Variants in TAFA4 observed in about 807,000 individuals in gnomAD.
TAFA4 encodes the protein TAFA chemokine like family member 4.
Under a neutral mutation model 21.1 loss-of-function variants are expected in TAFA4, and 20 were observed. The observed-to-expected ratio is 0.95, with a 90% CI of 0.67 to 1.38. TAFA4 has a LOEUF of 1.38. Ranked by LOEUF, TAFA4 falls within the 40% of genes most tolerant of loss-of-function variation. TAFA4 has a pLI of 0.00. For synonymous variants in TAFA4, 71 were observed against 67.4 expected (o/e 1.05, Z -0.26); for missense variants, 211 against 180.9 (o/e 1.17, Z -0.95).
intron 3 of TAFA4, among the ~76,000 whole-genome samples, chr3:68,822,059 G>A (rs1440460299): frequency 2.0e-5 from 3 of 152,182 alleles, no homozygotes; most frequent in African/African-American, 7.2e-5. Context: ...TATGGCAGGT[G>A]TGGACAGCTG....
intron 1 of TAFA4, among the ~76,000 whole-genome samples, chr3:68,895,993 T>C (rs1300732475): frequency 6.6e-6 from 1 of 152,158 alleles, no homozygotes; most frequent in Non-Finnish European, 1.5e-5. Context: ...GTGAATTACA[T>C]AATGTGACTT....
intron 1 of TAFA4, among the ~76,000 whole-genome samples, chr3:68,919,614 CTT>C (rs1373804057): frequency 6.6e-6 from 1 of 152,168 alleles, no homozygotes; most frequent in African/African-American, 2.4e-5. Context: ...AAATTTGCTT[CTT>C]GAGTCACATT....
chr3:68,861,040 C>T (rs913333804), intron 3 of TAFA4, among the ~76,000 whole-genome samples: 8 of 129,642 alleles, frequency 6.2e-5, no homozygotes, highest in East Asian at 2.8e-4. Flanking sequence ...ACCCCCCCCC[C>T]GCCCCCACGA....
At chr3:68,783,763 A>AAAACAAAG (rs772745482) in intron 3 of TAFA4, among the ~76,000 whole-genome samples, 7 of 151,594 alleles carry the variant, frequency 4.6e-5, no homozygotes, top group Non-Finnish European at 1.0e-4. Flanking sequence ...GAAAGAAACA[A>AAAACAAAG]AAACAAAGAA....
At chr3:68,832,388 T>C (rs969442398) in intron 3 of TAFA4, among the ~76,000 whole-genome samples, 3 of 152,210 alleles carry the variant, frequency 2.0e-5, no homozygotes, top group Non-Finnish European at 4.4e-5. Flanking sequence ...TTTTTGTTGA[T>C]GTTGATGCTA....
At chr3:68,810,727 G>T (rs1034570509) in intron 3 of TAFA4, among the ~76,000 whole-genome samples, 2 of 152,204 alleles carry the variant, frequency 1.3e-5, no homozygotes, top group Admixed American at 6.5e-5. Context: ...GTCTGCCTCT[G>T]CAGACTCCAC....
chr3:68,833,328 G>C (rs187610513), intron 3 of TAFA4, among the ~76,000 whole-genome samples: 2 of 152,060 alleles, frequency 1.3e-5, no homozygotes, highest in East Asian at 3.9e-4. Flanking sequence ...TCTCGGAAGC[G>C]ACTATAATAA....
At chr3:68,774,533 G>A (rs1182299203) in intron 3 of TAFA4, among the ~76,000 whole-genome samples, 1 of 152,170 alleles carries the variant, frequency 6.6e-6, no homozygotes, top group Non-Finnish European at 1.5e-5. Context: ...CATTCCACCT[G>A]AATCTTGCCT....
intron 3 of TAFA4, among the ~76,000 whole-genome samples, chr3:68,754,065 A>G (rs1001612123): frequency 1.3e-5 from 2 of 152,176 alleles, no homozygotes; most frequent in Non-Finnish European, 2.9e-5. Context: ...TTGCTTTATC[A>G]TTCACTCTCT....
At chr3:68,786,231 A>G (rs982194590) in intron 3 of TAFA4, among the ~76,000 whole-genome samples, 1 of 152,242 alleles carries the variant, frequency 6.6e-6, no homozygotes, top group East Asian at 1.9e-4. Context: ...ACAAACCTGC[A>G]CATCCTGCAC....
chr3:68,853,276 C>T (rs1418245912), intron 3 of TAFA4, among the ~76,000 whole-genome samples: 1 of 152,038 alleles, frequency 6.6e-6, no homozygotes, highest in Non-Finnish European at 1.5e-5. Flanking sequence ...AATAAATCTT[C>T]AAGTGTTAAT....
intron 3 of TAFA4, among the ~76,000 whole-genome samples, chr3:68,783,778 A>G (rs1703200142): frequency 6.6e-6 from 1 of 152,128 alleles, no homozygotes; most frequent in Non-Finnish European, 1.5e-5. Flanking sequence ...AAAGAAACAA[A>G]GAAAAAGAGA....
intron 3 of TAFA4, among the ~76,000 whole-genome samples, chr3:68,777,456 A>G (rs1440888655): frequency 6.6e-6 from 1 of 152,112 alleles, no homozygotes; most frequent in Non-Finnish European, 1.5e-5. Flanking sequence ...TTACCTAAGG[A>G]TATGAAATTT....
intron 3 of TAFA4, among the ~76,000 whole-genome samples, chr3:68,875,917 T>TAAA (rs201172771): frequency 3.5e-4 from 50 of 144,272 alleles, no homozygotes; most frequent in African/African-American, 1.2e-3. Context: ...TCATTTGTTT[T>TAAA]AAAAAAAAAA....
At chr3:68,926,146 T>G (rs2107032705) in intron 1 of TAFA4, among the ~76,000 whole-genome samples, 1 of 151,934 alleles carries the variant, frequency 6.6e-6, no homozygotes, top group African/African-American at 2.4e-5. Context: ...GCAGAATTGC[T>G]TGAACCCAAG....
intron 3 of TAFA4, among the ~76,000 whole-genome samples, chr3:68,797,787 G>A (rs2314319): frequency 0.2 from 30,637 of 152,012 alleles, 3,961 homozygotes; most frequent in East Asian, 0.6. Context: ...GTCAGAGGCT[G>A]AGGGTGACGA....
At chr3:68,805,903 T>G (rs571269591) in intron 3 of TAFA4, among the ~76,000 whole-genome samples, 5 of 152,066 alleles carry the variant, frequency 3.3e-5, no homozygotes, top group Non-Finnish European at 5.9e-5. Flanking sequence ...CATGTATACA[T>G]ACGTAACAAA....
At chr3:68,919,720 G>A (rs1391844000) in intron 1 of TAFA4, among the ~76,000 whole-genome samples, 1 of 152,170 alleles carries the variant, frequency 6.6e-6, no homozygotes, top group Non-Finnish European at 1.5e-5. Context: ...TCACAGGGAA[G>A]TTCTATTGAA....
chr3:68,836,150 G>C lies in TAFA4; in HGVS notation c.130+44580C>G, dbSNP rs192088001. Among the ~76,000 whole-genome samples, 4 of 152,308 alleles carry C rather than the reference G, an allele frequency of 2.6e-5. No homozygotes were observed. In the East Asian group the frequency reaches 7.7e-4, roughly 29 times the overall value. ...CAATCTCCCGCTTCGGGCCCCTTAT[G>C]TTTTCTGGTGGGTGATGTAAGAATT... On this transcript the variant is annotated intron_variant, in intron 3 of 5. Transcript: ENST00000295569.
Sources: gnomAD v4.1 joint callset for allele counts (sites outside exome capture counted in the v4.1 genomes callset) on GRCh38, gnomAD v4.1.1 for gene constraint, MANE v1.5 for transcripts, NCBI Gene and HGNC (gene_info 2026-07-23, HGNC 2026-07-21) for gene names.